Variants in ARHGAP42 observed in about 807,000 individuals in gnomAD.
The protein encoded by ARHGAP42 is rho GTPase-activating protein 42.
A neutral mutation model predicts 125.0 loss-of-function variants in ARHGAP42; 63 were observed. The ratio of observed to expected loss-of-function variants is 0.50; its 90% confidence interval spans 0.41 to 0.62. The LOEUF (loss-of-function observed/expected upper bound fraction) is 0.62, where lower values mean the gene tolerates loss of function less well. Ranked by LOEUF, ARHGAP42 falls within the 20% of genes least tolerant of loss-of-function variation. The pLI, the probability that ARHGAP42 is intolerant of heterozygous loss-of-function variation, is 0.00. For missense variants in ARHGAP42, 766 were observed against 1,024.2 expected, an observed-to-expected ratio of 0.75 and a Z score of 3.44; for synonymous variants, 339 against 351.0, an observed-to-expected ratio of 0.97 and a Z score of 0.38.
intron 22 of ARHGAP42, among the ~76,000 whole-genome samples, chr11:100,980,559 C>CTTCTTCTTTTTT (rs1555037006): frequency 5.0e-4 from 26 of 51,948 alleles, no homozygotes; most frequent in Non-Finnish European, 8.1e-4. Flanking sequence ...TTTTCTTCTT[C>CTTCTTCTTTTTT]TTTTTTTTTT....
intron 3 of ARHGAP42, among the ~76,000 whole-genome samples, chr11:100,850,230 G>A (rs920486365): frequency 6.6e-6 from 1 of 152,106 alleles, no homozygotes; most frequent in African/African-American, 2.4e-5. Context: ...AACTACTTTT[G>A]AAGATATAGA....
At chr11:100,967,106 T>C (rs891262703) in intron 17 of ARHGAP42, among the ~76,000 whole-genome samples, 1 of 152,144 alleles carries the variant, frequency 6.6e-6, no homozygotes, top group Non-Finnish European at 1.5e-5. Context: ...AATTTACTTA[T>C]AAAAACAGCA....
intron 17 of ARHGAP42, among the ~76,000 whole-genome samples, chr11:100,970,225 G>A (rs1192245180): frequency 2.6e-5 from 4 of 152,080 alleles, no homozygotes; most frequent in Admixed American, 6.6e-5. Context: ...TGATCCTCAG[G>A]TGATCCACCC....
At chr11:100,817,016 A>T (rs1446420084) in intron 3 of ARHGAP42, among the ~76,000 whole-genome samples, 1 of 152,216 alleles carries the variant, frequency 6.6e-6, no homozygotes, top group African/African-American at 2.4e-5. Flanking sequence ...CTAAAGTCTC[A>T]GGAAGCCTGT....
intron 12 of ARHGAP42, among the ~76,000 whole-genome samples, chr11:100,957,041 A>G (rs1034843332): frequency 5.3e-5 from 8 of 152,130 alleles, no homozygotes; most frequent in Admixed American, 4.6e-4. Context: ...AGCACTTACT[A>G]TATTCTAAGC....
chr11:100,830,998 G>A (rs1025645647), intron 3 of ARHGAP42, among the ~76,000 whole-genome samples: 1 of 152,142 alleles, frequency 6.6e-6, no homozygotes, highest in Non-Finnish European at 1.5e-5. Flanking sequence ...TGAAAAAAAA[G>A]TAAGATAATT....
intron 3 of ARHGAP42, among the ~76,000 whole-genome samples, chr11:100,832,934 C>T (rs1042122177): frequency 2.0e-5 from 3 of 152,142 alleles, no homozygotes; most frequent in African/African-American, 7.2e-5. Flanking sequence ...AGCTGGATTC[C>T]TTTTTCAGTG....
intron 1 of ARHGAP42, among the ~76,000 whole-genome samples, chr11:100,690,332 A>G (rs1433360803): frequency 6.6e-6 from 1 of 152,134 alleles, no homozygotes; most frequent in East Asian, 1.9e-4. Flanking sequence ...ATTTCTAAGC[A>G]TATTATATTA....
intron 2 of ARHGAP42, among the ~76,000 whole-genome samples, chr11:100,792,866 C>T (rs144825295): frequency 6.4e-4 from 98 of 152,020 alleles, no homozygotes; most frequent in Non-Finnish European, 1.2e-3. Flanking sequence ...CGTTCTCCTG[C>T]CTCAGCCTCC....
intron 22 of ARHGAP42, among the ~76,000 whole-genome samples, chr11:100,985,771 G>A (rs1161699496): frequency 6.6e-6 from 1 of 152,232 alleles, no homozygotes; most frequent in Non-Finnish European, 1.5e-5. Context: ...GGCAGGTCCA[G>A]AATTTTCCTC....
intron 3 of ARHGAP42, 47 bp downstream of exon 3, chr11:100,795,213 A>G: frequency 7.2e-7 from 1 of 1,381,672 alleles, no homozygotes; most frequent in Non-Finnish European, 9.8e-7. Flanking sequence ...GTTTCAACAT[A>G]TTAAAGAGAA....
At chr11:100,864,816 C>G (rs922125151) in intron 4 of ARHGAP42, among the ~76,000 whole-genome samples, 6 of 152,152 alleles carry the variant, frequency 3.9e-5, no homozygotes, top group Non-Finnish European at 5.9e-5. Flanking sequence ...TATGCCCAAA[C>G]TTACCCCTTG....
chr11:100,750,880 C>G (rs1862433124), intron 1 of ARHGAP42, among the ~76,000 whole-genome samples: 1 of 151,840 alleles, frequency 6.6e-6, no homozygotes, highest in South Asian at 2.1e-4. Flanking sequence ...CCACCTCCTA[C>G]AGGTCTTGAA....
At chr11:100,897,056 A>G (rs530097195) in intron 4 of ARHGAP42, among the ~76,000 whole-genome samples, 1 of 152,324 alleles carries the variant, frequency 6.6e-6, no homozygotes, top group South Asian at 2.1e-4. Context: ...CTTTCTACAT[A>G]TATCTAGCCA....
chr11:100,884,073 C>T (rs970574691), intron 4 of ARHGAP42, among the ~76,000 whole-genome samples: 1 of 152,108 alleles, frequency 6.6e-6, no homozygotes, highest in Non-Finnish European at 1.5e-5. Flanking sequence ...TGGATTTTCC[C>T]CCACTCATTC....
intron 3 of ARHGAP42, among the ~76,000 whole-genome samples, chr11:100,817,645 C>A (rs1318566937): frequency 2.6e-5 from 4 of 152,148 alleles, no homozygotes; most frequent in Non-Finnish European, 5.9e-5. Flanking sequence ...TCCGTATAAG[C>A]CAGACATTAC....
At chr11:100,832,259 A>G (rs1203112850) in intron 3 of ARHGAP42, among the ~76,000 whole-genome samples, 3 of 152,180 alleles carry the variant, frequency 2.0e-5, no homozygotes, top group Non-Finnish European at 4.4e-5. Flanking sequence ...CTGAACGAGG[A>G]TGGGCATAGT....
chr11:100,985,977 C>G (rs1435931847), intron 22 of ARHGAP42: 1 of 453,692 alleles, frequency 2.2e-6, no homozygotes, highest in Non-Finnish European at 4.4e-6. Flanking sequence ...GCTGGGACCC[C>G]AAGGAGGATA....
At chr11:100,865,730 A>G (rs1865553208) in intron 4 of ARHGAP42, among the ~76,000 whole-genome samples, 1 of 152,222 alleles carries the variant, frequency 6.6e-6, no homozygotes. Context: ...TGTTATGTCA[A>G]CAAATCAATG....
Sources: gnomAD v4.1 joint callset for allele counts (sites outside exome capture counted in the v4.1 genomes callset) on GRCh38, gnomAD v4.1.1 for gene constraint, MANE v1.5 for transcripts, NCBI Gene and HGNC (gene_info 2026-07-23, HGNC 2026-07-21) for gene names.